Variants in TFEC observed in about 807,000 individuals in gnomAD.
The protein encoded by TFEC is transcription factor EC.
In TFEC, 31 loss-of-function variants were observed where a neutral mutation model predicts 41.6. The ratio of observed to expected loss-of-function variants is 0.74; its 90% CI spans 0.56 to 1.01. TFEC has a LOEUF of 1.01. Ranked by LOEUF, TFEC falls within the 50% of genes least tolerant of loss-of-function variation. TFEC has a pLI of 0.00. For synonymous variants in TFEC, 143 were observed against 140.6 expected, an observed-to-expected ratio of 1.02 and a Z score of -0.12; for missense variants, 402 against 404.1, an observed-to-expected ratio of 0.99 and a Z score of 0.04.
intron 3 of TFEC, among the ~76,000 whole-genome samples, chr7:115,972,706 T>C (rs1793189198): frequency 6.6e-6 from 1 of 152,102 alleles, no homozygotes; most frequent in African/African-American, 2.4e-5. Context: ...CTTAGACCAG[T>C]AGTATCCATC....
chr7:116,072,115 C>A (rs1404242), intron 3 of TFEC, among the ~76,000 whole-genome samples: 23,893 of 151,126 alleles, frequency 0.16, 2,022 homozygotes, highest in East Asian at 0.33. Flanking sequence ...ATTTTATGGG[C>A]AAAAAGAAGG....
At chr7:116,089,603 G>T (rs1002166377) in intron 3 of TFEC, among the ~76,000 whole-genome samples, 1 of 148,588 alleles carries the variant, frequency 6.7e-6, no homozygotes, top group African/African-American at 2.6e-5. Flanking sequence ...ACTTAAGAAT[G>T]TAAGTATATA....
At chr7:115,970,103 T>C (rs934916559) in intron 3 of TFEC, among the ~76,000 whole-genome samples, 1 of 151,930 alleles carries the variant, frequency 6.6e-6, no homozygotes, top group Non-Finnish European at 1.5e-5. Context: ...AGGACATGTA[T>C]TGATATATGA....
At chr7:115,985,643 T>G (rs1392106286) in intron 1 of TFEC, among the ~76,000 whole-genome samples, 1 of 152,132 alleles carries the variant, frequency 6.6e-6, no homozygotes, top group Non-Finnish European at 1.5e-5. Context: ...AGTAGTTACT[T>G]TAGTTTAATT....
chr7:115,958,415 C>T (rs1299554053), intron 3 of TFEC, among the ~76,000 whole-genome samples: 1 of 151,832 alleles, frequency 6.6e-6, no homozygotes, highest in Non-Finnish European at 1.5e-5. Context: ...CACATTTCCA[C>T]TGTGCCTTTG....
chr7:116,000,723 C>A (rs546230770), intron 1 of TFEC, among the ~76,000 whole-genome samples: 3 of 151,814 alleles, frequency 2.0e-5, no homozygotes, highest in Non-Finnish European at 4.4e-5. Context: ...AAATAAAATA[C>A]CTAGGAATTA....
intron 1 of TFEC, among the ~76,000 whole-genome samples, chr7:116,112,772 T>C (rs780737959): frequency 2.1e-4 from 32 of 151,920 alleles, no homozygotes; most frequent in Non-Finnish European, 3.8e-4. Context: ...TAGAGGAATG[T>C]AGGTAATAAC....
intron 1 of TFEC, among the ~76,000 whole-genome samples, chr7:115,998,688 AATAG>A (rs1262726010): frequency 1.3e-5 from 2 of 152,040 alleles, no homozygotes; most frequent in Non-Finnish European, 2.9e-5. Context: ...TTATACTAAT[AATAG>A]ATAAAGTAGA....
intron 1 of TFEC, among the ~76,000 whole-genome samples, chr7:115,987,268 G>A (rs1162842252): frequency 6.6e-6 from 1 of 152,034 alleles, no homozygotes; most frequent in Admixed American, 6.6e-5. Context: ...TGATTATACT[G>A]TTCCCTAGAA....
In TFEC at chr7:116,107,319, C is replaced by T. The variant is rs75923542; in HGVS notation, c.198+3389G>A. On this transcript the variant is annotated intron_variant, in intron 3 of 8. Transcript: ENST00000484212. ...AGCCATCAAAGCGAACACCTGACTTCTAAAAAAACTGAGCATAGCACTTAC... is the reference window on the plus strand; with the variant it reads ...AGCCATCAAAGCGAACACCTGACTTTTAAAAAAACTGAGCATAGCACTTAC... Among the ~76,000 whole-genome samples, 70 of 152,294 alleles carry T rather than the reference C, an allele frequency of 4.6e-4. 1 individual carries two copies. The East Asian group carries it at 0.012, about 26-fold the overall frequency.
intron 3 of TFEC, among the ~76,000 whole-genome samples, chr7:116,068,994 A>G (rs551385364): frequency 4.0e-5 from 6 of 151,884 alleles, no homozygotes; most frequent in Non-Finnish European, 8.9e-5. Flanking sequence ...AACATAGGCA[A>G]ATATGATTCT....
chr7:116,129,648 A>C (rs1442265587), intron 1 of TFEC, among the ~76,000 whole-genome samples: 1 of 132,462 alleles, frequency 7.5e-6, no homozygotes, highest in Non-Finnish European at 1.5e-5. Context: ...GTTGGAGTGC[A>C]GTGGTGGGAT....
At chr7:115,979,062 C>A (rs911330163) in intron 2 of TFEC, among the ~76,000 whole-genome samples, 4 of 152,122 alleles carry the variant, frequency 2.6e-5, no homozygotes, top group Non-Finnish European at 5.9e-5. Flanking sequence ...TCACTGATAC[C>A]ACAGTTCAAC....
chr7:116,144,567 C>T (rs1367453794), intron 1 of TFEC, among the ~76,000 whole-genome samples: 1 of 152,098 alleles, frequency 6.6e-6, no homozygotes, highest in Non-Finnish European at 1.5e-5. Flanking sequence ...CCAAGGTGGT[C>T]TCAAACTCCT....
In TFEC at chr7:115,974,235, T is replaced by C; in HGVS notation, c.202A>G (p.Ile68Val). The change falls in exon 3 of 8, where the codon ATA becomes GTA. Residue 68 changes from isoleucine (I) to valine (V), a missense_variant. Coordinates refer to ENST00000265440, the MANE Select transcript of TFEC (RefSeq NM_012252.4). ...TTAAAACTTGATTCCATACCGATTATATCCTCAATAACGTCCTCCATCTAG... is the reference window on the plus strand; with the variant it reads ...TTAAAACTTGATTCCATACCGATTACATCCTCAATAACGTCCTCCATCTAG... ...QWHMEDVIEDIIGMESSFKEE... is the reference protein window; with the variant it reads ...QWHMEDVIEDVIGMESSFKEE... 6.3e-7 allele frequency: 1 copy of C among 1,594,092 alleles called. No homozygotes were observed. The highest frequency in any genetic ancestry group is 8.5e-7 in the Non-Finnish European group (1 of 1,171,248).
intron 3 of TFEC, among the ~76,000 whole-genome samples, chr7:116,081,602 A>ACTGC (rs1315913590): frequency 6.6e-6 from 1 of 151,966 alleles, no homozygotes; most frequent in Non-Finnish European, 1.5e-5. Context: ...TCAGCAACCC[A>ACTGC]CTGCCTACAC....
intron 3 of TFEC, among the ~76,000 whole-genome samples, chr7:116,074,496 A>G (rs1385606828): frequency 6.6e-6 from 1 of 152,304 alleles, no homozygotes; most frequent in Admixed American, 6.5e-5. Flanking sequence ...GCCAATTAGC[A>G]CATGAAAAGA....
intron 3 of TFEC, among the ~76,000 whole-genome samples, chr7:115,959,413 A>C (rs1792412874): frequency 6.6e-6 from 1 of 151,714 alleles, no homozygotes; most frequent in Non-Finnish European, 1.5e-5. Flanking sequence ...GATTTTATTC[A>C]CATCTCCACG....
chr7:116,125,627 G>T (rs1030556174), intron 1 of TFEC, among the ~76,000 whole-genome samples: 2 of 151,940 alleles, frequency 1.3e-5, no homozygotes, highest in Non-Finnish European at 2.9e-5. Flanking sequence ...AGAGTGGAAG[G>T]GACAATTCCA....
Sources: gnomAD v4.1 joint callset for allele counts (sites outside exome capture counted in the v4.1 genomes callset) on GRCh38, gnomAD v4.1.1 for gene constraint, MANE v1.5 for transcripts, NCBI Gene and HGNC (gene_info 2026-07-23, HGNC 2026-07-21) for gene names.